Variants in CSRNP3 observed in about 807,000 individuals in gnomAD.
The protein encoded by CSRNP3 is cysteine and serine rich nuclear protein 3, also known as cysteine/serine-rich nuclear protein 3.
A neutral mutation model predicts 48.0 loss-of-function variants in CSRNP3; 12 were observed. The observed-to-expected ratio is 0.25, with a 90% CI of 0.16 to 0.41. CSRNP3 has a LOEUF of 0.41. Among genes scored for constraint, CSRNP3 ranks in the 10% least tolerant of loss-of-function variants. The pLI, the probability that CSRNP3 is intolerant of heterozygous loss-of-function variation, is 1.00. For missense variants in CSRNP3, 580 were observed against 724.4 expected, an observed-to-expected ratio of 0.80 and a Z score of 2.29; for synonymous variants, 263 against 269.7, an observed-to-expected ratio of 0.98 and a Z score of 0.24.
chr2:165,546,508 G>A (rs1037167522), intron 3 of CSRNP3, among the ~76,000 whole-genome samples: 6 of 152,056 alleles, frequency 3.9e-5, no homozygotes, highest in African/African-American at 1.4e-4. Flanking sequence ...CTTCTGTAAC[G>A]CTGGTACTCT....
intron 3 of CSRNP3, among the ~76,000 whole-genome samples, chr2:165,578,540 ACT>A (rs1438979073): frequency 6.6e-6 from 1 of 151,994 alleles, no homozygotes; most frequent in African/African-American, 2.4e-5. Flanking sequence ...GTATCAAAAG[ACT>A]CTGTAAGAAT....
intron 5 of CSRNP3, among the ~76,000 whole-genome samples, chr2:165,659,467 G>A (rs753916599): frequency 1.3e-5 from 2 of 152,160 alleles, no homozygotes; most frequent in Non-Finnish European, 2.9e-5. Context: ...ACAGGCTGGG[G>A]GTGGGATGTG....
chr2:165,599,482 G>A (rs914100029), intron 4 of CSRNP3, among the ~76,000 whole-genome samples: 3 of 152,024 alleles, frequency 2.0e-5, no homozygotes, highest in Admixed American at 2.0e-4. Context: ...GTAGAGATGG[G>A]GTTTCATCAT....
intron 4 of CSRNP3, among the ~76,000 whole-genome samples, chr2:165,616,354 G>A (rs1011478772): frequency 3.3e-5 from 5 of 152,030 alleles, no homozygotes; most frequent in African/African-American, 1.2e-4. Context: ...TGTATCTGCT[G>A]TACCAGTACA....
intron 1 of CSRNP3, among the ~76,000 whole-genome samples, chr2:165,486,067 G>GGCGCAGGCCAGTGGGTGC (rs1684109000): frequency 6.6e-6 from 1 of 152,134 alleles, no homozygotes; most frequent in Admixed American, 6.5e-5. Flanking sequence ...CCAGACAGTG[G>GGCGCAGGCCAGTGGGTGC]GCGCAGGCCA....
chr2:165,615,888 G>GTTTT (rs957235965), intron 4 of CSRNP3, among the ~76,000 whole-genome samples: 3 of 59,312 alleles, frequency 5.1e-5, no homozygotes, highest in Admixed American at 2.5e-4. Flanking sequence ...TGTTTGTGGG[G>GTTTT]TTTTTTTTTT....
chr2:165,574,281 A>T, intron 3 of CSRNP3: 1 of 1,134,270 alleles, frequency 8.8e-7, no homozygotes, highest in South Asian at 1.4e-5. Context: ...CAAAGGTCAC[A>T]GGGCTGGTGG....
At chr2:165,648,444 T>C (rs909875662) in intron 4 of CSRNP3, among the ~76,000 whole-genome samples, 1 of 152,188 alleles carries the variant, frequency 6.6e-6, no homozygotes, top group African/African-American at 2.4e-5. Flanking sequence ...GGATCAGTGC[T>C]AAGTCAATTA....
rs1186320522 is a variant in CSRNP3 at position 165,551,162 on chromosome 2, T to C, written c.-24+33201T>C. On this transcript the variant is annotated intron_variant, in intron 3 of 6. Transcript: ENST00000651982. Reference sequence around the variant, plus strand: ...CCACATGGAGTGTTGAAATTCCTGTTTCACCCCTGCTAACTCAAACTAATA... The same window carrying C: ...CCACATGGAGTGTTGAAATTCCTGTCTCACCCCTGCTAACTCAAACTAATA... 2.0e-5 allele frequency among the ~76,000 whole-genome samples: 3 copies of C among 152,166 alleles called. No individual in the cohort carries two copies. In the East Asian group the frequency reaches 5.8e-4, roughly 29 times the overall value.
At chr2:165,492,494 C>T (rs1684227135) in intron 1 of CSRNP3, among the ~76,000 whole-genome samples, 1 of 151,864 alleles carries the variant, frequency 6.6e-6, no homozygotes, top group Admixed American at 6.6e-5. Context: ...TGTTGGTTCC[C>T]TCACCTCCTC....
At position 165,689,299 on chromosome 2, in the gene CSRNP3, TAA is replaced by T. The variant is rs1163194389; in HGVS notation, c.*9547_*9548del. On this transcript the variant is annotated 3_prime_UTR_variant, in exon 7 of 7. Transcript: ENST00000651982. ...AATAAGCATTTTTAAGTCTTATCCT[TAA>T]GTTTCTTTTATTAGTGGCACTTGTA... is the stretch of plus-strand genomic sequence containing the variant. The T allele has an allele frequency of 6.6e-6, 1 of 152,216 alleles. No homozygotes were observed. The highest frequency in any genetic ancestry group is 2.4e-5 in the African/African-American group (1 of 41,466). The allele number at this position is 152,216 out of a possible 1,614,324, so 9.4% of individuals were successfully genotyped here. A position where few individuals can be genotyped will look rare whatever the true frequency, so the allele number is the denominator to read the frequency against.
At chr2:165,574,428 G>A in intron 3 of CSRNP3, 2 of 1,544,464 alleles carry the variant, frequency 1.3e-6, no homozygotes, top group South Asian at 2.4e-5. Flanking sequence ...TATAGTGCAC[G>A]CAGGTATGGT....
At chr2:165,539,471 CT>C (rs1684925120) in intron 3 of CSRNP3, among the ~76,000 whole-genome samples, 2 of 152,104 alleles carry the variant, frequency 1.3e-5, no homozygotes, top group African/African-American at 2.4e-5. Flanking sequence ...TTATTTTCCC[CT>C]AATGGCTATG....
intron 5 of CSRNP3, among the ~76,000 whole-genome samples, chr2:165,667,145 AAAGG>A (rs745443280): frequency 0.013 from 1,948 of 148,346 alleles, 21 homozygotes; most frequent in African/African-American, 0.016. Flanking sequence ...GAGAGAGAGA[AAAGG>A]AAGGAAGGAA....
At chr2:165,589,544 T>C (rs1416337477) in intron 3 of CSRNP3, among the ~76,000 whole-genome samples, 2 of 152,206 alleles carry the variant, frequency 1.3e-5, no homozygotes, top group Non-Finnish European at 2.9e-5. Flanking sequence ...ATTGTTAGCT[T>C]AAATACTGAT....
intron 5 of CSRNP3, 49 bp downstream of exon 5, chr2:165,658,069 T>C: frequency 6.4e-7 from 1 of 1,571,368 alleles, no homozygotes; most frequent in Non-Finnish European, 8.7e-7. Context: ...TTACAGCAAT[T>C]TGATTGAGTT....
chr2:165,616,134 A>G (rs867563959), intron 4 of CSRNP3, among the ~76,000 whole-genome samples: 1 of 152,062 alleles, frequency 6.6e-6, no homozygotes, highest in Admixed American at 6.6e-5. Context: ...CATCCAGTCT[A>G]TATTTTTTAA....
chr2:165,578,868 G>A (rs569842081), intron 3 of CSRNP3, among the ~76,000 whole-genome samples: 1 of 152,208 alleles, frequency 6.6e-6, no homozygotes, highest in South Asian at 2.1e-4. Context: ...CTCCGGAGTT[G>A]TTTACACAAT....
rs1199087097 is a variant in CSRNP3, at chr2:165,681,549, T to G, written c.*1796T>G. The G allele has an allele frequency of 6.6e-6, 1 of 151,548 alleles. No homozygotes were observed. The highest frequency in any genetic ancestry group is 2.4e-5 in the African/African-American group (1 of 41,284). The allele number at this position is 151,548 out of a possible 1,614,324, so 9.4% of individuals were successfully genotyped here. On this transcript the variant is annotated 3_prime_UTR_variant, in exon 7 of 7. Coordinates refer to ENST00000651982, the MANE Select transcript of CSRNP3 (RefSeq NM_001172173.2). ...GCAGCTCTTCCACTGTGCAGTTGGT[T>G]TCTGCCCCTTCTCTTCCCCCCTACA...
Sources: gnomAD v4.1 joint callset for allele counts (sites outside exome capture counted in the v4.1 genomes callset) on GRCh38, gnomAD v4.1.1 for gene constraint, MANE v1.5 for transcripts, NCBI Gene and HGNC (gene_info 2026-07-23, HGNC 2026-07-21) for gene names.